OCA2: variants seen among roughly 807,000 people sequenced by gnomAD.
The protein encoded by OCA2 is OCA2 melanosomal transmembrane protein, also known as P protein.
In OCA2, 77 loss-of-function variants were observed where a neutral mutation model predicts 100.2. The ratio of observed to expected loss-of-function variants is 0.77; its 90% CI spans 0.64 to 0.93. OCA2 has a LOEUF of 0.93. Among genes scored for constraint, OCA2 ranks in the 40% least tolerant of loss-of-function variants. OCA2 has a pLI of 0.00. For synonymous variants in OCA2, 432 were observed against 439.2 expected, an observed-to-expected ratio of 0.98 and a Z score of 0.21; for missense variants, 1,062 against 1,089.1, an observed-to-expected ratio of 0.98 and a Z score of 0.35.
chr15:27,962,768 T>C (rs1170532679), intron 15 of OCA2, among the ~76,000 whole-genome samples: 1 of 152,058 alleles, frequency 6.6e-6, no homozygotes, highest in Non-Finnish European at 1.5e-5. Flanking sequence ...GAAGCACAAA[T>C]ATAAAACAAT....
chr15:27,994,862 T>G (rs28532411), intron 9 of OCA2, among the ~76,000 whole-genome samples: 19 of 152,154 alleles, frequency 1.2e-4, no homozygotes, highest in Non-Finnish European at 2.1e-4. Context: ...CTAGTCATCA[T>G]GTAAATTCCA....
chr15:27,914,784 T>C (rs930829679), intron 19 of OCA2, among the ~76,000 whole-genome samples: 1 of 152,160 alleles, frequency 6.6e-6, no homozygotes, highest in Non-Finnish European at 1.5e-5. Context: ...ATGGCCATAA[T>C]GCCCAAAGCA....
intron 19 of OCA2, among the ~76,000 whole-genome samples, chr15:27,910,263 C>G (rs879935191): frequency 6.6e-6 from 1 of 152,186 alleles, no homozygotes; most frequent in Admixed American, 6.5e-5. Flanking sequence ...TAACCCAGCA[C>G]AACTCTTGCA....
intron 19 of OCA2, among the ~76,000 whole-genome samples, chr15:27,906,658 C>T (rs1029307860): frequency 3.3e-5 from 5 of 151,608 alleles, no homozygotes; most frequent in African/African-American, 9.7e-5. Flanking sequence ...GCACGCAAAA[C>T]AATCAGACTG....
At chr15:27,804,124 T>C (rs1368154392) in intron 23 of OCA2, among the ~76,000 whole-genome samples, 2 of 152,186 alleles carry the variant, frequency 1.3e-5, no homozygotes, top group Non-Finnish European at 2.9e-5. Flanking sequence ...AAAGAGACTA[T>C]GGCAGAATAT....
At chr15:27,862,332 G>T (rs895814415) in intron 21 of OCA2, among the ~76,000 whole-genome samples, 1 of 152,208 alleles carries the variant, frequency 6.6e-6, no homozygotes, top group Non-Finnish European at 1.5e-5. Flanking sequence ...CGGACAGAAA[G>T]CATGGTCATC....
At chr15:27,976,468 A>G (rs953671272) in intron 14 of OCA2, among the ~76,000 whole-genome samples, 17 of 152,216 alleles carry the variant, frequency 1.1e-4, no homozygotes, top group African/African-American at 3.9e-4. Flanking sequence ...TCAGTAATAG[A>G]TATCGGATTT....
intron 17 of OCA2, among the ~76,000 whole-genome samples, chr15:27,953,582 A>G (rs1250032720): frequency 6.6e-6 from 1 of 152,206 alleles, no homozygotes; most frequent in African/African-American, 2.4e-5. Context: ...CGCAGCAACC[A>G]CAGAAAGTGG....
chr15:27,803,222 C>A (rs897930782), intron 23 of OCA2, among the ~76,000 whole-genome samples: 1 of 152,102 alleles, frequency 6.6e-6, no homozygotes, highest in African/African-American at 2.4e-5. Flanking sequence ...CCAGCAACCC[C>A]ACTTCGGCAT....
intron 18 of OCA2, among the ~76,000 whole-genome samples, chr15:27,929,383 A>G (rs2039162015): frequency 6.6e-6 from 1 of 152,240 alleles, no homozygotes; most frequent in South Asian, 2.1e-4. Flanking sequence ...ATGGTGGTTT[A>G]ATACAGAAGG....
intron 23 of OCA2, among the ~76,000 whole-genome samples, chr15:27,757,129 G>A (rs1218752358): frequency 2.0e-5 from 3 of 152,226 alleles, no homozygotes; most frequent in Non-Finnish European, 4.4e-5. Flanking sequence ...GTGGGATGTT[G>A]AGAGGTAAGC....
Position 28,097,687 on chromosome 15 carries a change from TA to T in OCA2, c.-22+1536del, listed in dbSNP as rs533867115. Among the ~76,000 whole-genome samples, 427 of 152,250 alleles carry T rather than the reference TA, an allele frequency of 2.8e-3. 3 individuals are homozygous for T. The highest frequency in any genetic ancestry group is 4.1e-3 in the Non-Finnish European group (282 of 68,014). Reference sequence around the variant, plus strand: ...ATCTACCTCTTTGTGTCCCTAGACATAAAGGTACCCAAAACTCCCAGAGTGC... The same window carrying T: ...ATCTACCTCTTTGTGTCCCTAGACATAAGGTACCCAAAACTCCCAGAGTGC... On this transcript the variant is annotated intron_variant, in intron 1 of 23. Coordinates refer to ENST00000354638, the MANE Select transcript of OCA2 (RefSeq NM_000275.3).
intron 9 of OCA2, among the ~76,000 whole-genome samples, chr15:28,010,394 C>A (rs1176630957): frequency 2.0e-5 from 3 of 152,122 alleles, no homozygotes; most frequent in African/African-American, 7.2e-5. Context: ...TAAAGACATA[C>A]AGATTGGAAA....
chr15:27,938,072 T>C (rs2039519824), intron 18 of OCA2, among the ~76,000 whole-genome samples: 2 of 152,232 alleles, frequency 1.3e-5, no homozygotes, highest in Admixed American at 1.3e-4. Flanking sequence ...TGGTAAGTTA[T>C]TGCTGCAATA....
rs533937732 is a variant in OCA2, at chr15:28,092,181, GAAATA to G, written c.-22+7038_-22+7042del. On this transcript the variant is annotated intron_variant, in intron 1 of 23. Transcript: ENST00000354638. Reference sequence around the variant, plus strand: ...TCTTCAGAACAGGTAAATCCATAGGGAAATAAAATAAAATAAATTAGTTGCTGCTT... The same window carrying G: ...TCTTCAGAACAGGTAAATCCATAGGGAAATAAAATAAATTAGTTGCTGCTT... Among the ~76,000 whole-genome samples the G allele has an allele frequency of 1.8e-3, 274 of 152,214 alleles. 1 individual carries two copies. The highest frequency in any genetic ancestry group is 3.4e-3 in the Non-Finnish European group (232 of 68,018).
At chr15:27,886,331 C>T (rs1036252841) in intron 19 of OCA2, among the ~76,000 whole-genome samples, 1 of 152,128 alleles carries the variant, frequency 6.6e-6, no homozygotes, top group East Asian at 1.9e-4. Flanking sequence ...TTCAACATCA[C>T]AAGGAAAAAG....
intron 23 of OCA2, among the ~76,000 whole-genome samples, chr15:27,756,633 T>A (rs1391838915): frequency 1.3e-5 from 2 of 152,214 alleles, no homozygotes; most frequent in African/African-American, 4.8e-5. Flanking sequence ...CCCACGACAG[T>A]GTCTGGTCAA....
Position 27,985,129 on chromosome 15 carries a change from C to A in OCA2, c.1299G>T (p.Ala433=). ...TGTCCAAGAAGGCAGAGAGGACGGC[C>A]GCGATGAGACAGAGCATGATGATCA... ...WAMIIMLCLI[A]AVLSAFLDNV... Residue 433 remains alanine, a synonymous_variant, in exon 13 of 24, where the codon GCG becomes GCT. Transcript: ENST00000354638. 6.2e-7 allele frequency: 1 copy of A among 1,613,958 alleles called. No homozygotes were observed. Among genetic ancestry groups the A allele is most frequent in the Non-Finnish European group, 8.5e-7 (1 of 1,179,972 alleles).
At chr15:27,897,897 C>T in intron 19 of OCA2, among the ~76,000 whole-genome samples, 1 of 152,206 alleles carries the variant, frequency 6.6e-6, no homozygotes, top group East Asian at 1.9e-4. Context: ...GAACCCACCT[C>T]TTGCATCAGC....
Sources: allele counts gnomAD v4.1 joint callset (sites outside exome capture counted in the v4.1 genomes callset), GRCh38; gene constraint gnomAD v4.1.1; transcripts MANE v1.5; gene names NCBI Gene and HGNC (gene_info 2026-07-23, HGNC 2026-07-21).